Variants in TJP1 observed in about 807,000 individuals in gnomAD.
TJP1 encodes the protein tight junction protein ZO-1.
In TJP1, 43 loss-of-function variants were observed where a neutral mutation model predicts 194.2. The ratio of observed to expected loss-of-function variants is 0.22; its 90% CI spans 0.17 to 0.29. The LOEUF is 0.29. TJP1 is among the 10% of genes least tolerant of loss of function. TJP1 has a pLI of 1.00. For synonymous variants in TJP1, 801 were observed against 779.0 expected (o/e 1.03, Z -0.47); for missense variants, 1,971 against 2,185.7 (o/e 0.90, Z 1.96).
Position 29,777,103 on chromosome 15 carries a change from C to A in TJP1, c.85-3746G>T, listed in dbSNP as rs77173395. On this transcript the variant is annotated intron_variant, in intron 2 of 27. Coordinates refer to ENST00000614355, the MANE Select transcript of TJP1 (RefSeq NM_001330239.4). ...TAGTACAAGGCAGAAGTACTTTAGG[C>A]ACACTTCCTGTTTGCATACCTAGAC... Among the ~76,000 whole-genome samples, 5 of 152,240 alleles carry A rather than the reference C, an allele frequency of 3.3e-5. No individual in the cohort carries two copies. The East Asian group carries it at 9.6e-4, about 29-fold the overall frequency.
chr15:29,731,313 A>G (rs1319164424), intron 15 of TJP1, among the ~76,000 whole-genome samples: 5 of 152,060 alleles, frequency 3.3e-5, no homozygotes, highest in African/African-American at 7.2e-5. Flanking sequence ...TGGAAAAACA[A>G]ATTTGTTTTT....
chr15:29,720,099 A>G lies in TJP1; in HGVS notation c.2764-83T>C. ...CTTCAATTTATAGTGATTGGTAGACATACATTTTAAGTGTGCTGAATAACA... is the reference window on the plus strand; with the variant it reads ...CTTCAATTTATAGTGATTGGTAGACGTACATTTTAAGTGTGCTGAATAACA... On this transcript the variant is annotated intron_variant, in intron 19 of 27. Transcript: ENST00000614355. The G allele has an allele frequency of 2.7e-6, 4 of 1,495,288 alleles. No individual in the cohort carries two copies. The East Asian group carries it at 6.8e-5, about 25-fold the overall frequency. 92.6% of individuals were successfully genotyped at this position (1,495,288 alleles called of 1,614,324 possible).
At chr15:29,947,925 C>T (rs998830942) in intron 2 of TJP1, among the ~76,000 whole-genome samples, 1 of 152,174 alleles carries the variant, frequency 6.6e-6, no homozygotes, top group Non-Finnish European at 1.5e-5. Flanking sequence ...TGCCTTCCCC[C>T]ACACTCCTTG....
At chr15:29,953,140 ATTTTTTT>A (rs71416442) in intron 2 of TJP1, among the ~76,000 whole-genome samples, 5 of 110,978 alleles carry the variant, frequency 4.5e-5, no homozygotes, top group Non-Finnish European at 7.2e-5. Context: ...AAGAAGACAG[ATTTTTTT>A]TTTTTTTTTT....
At chr15:29,949,143 TCACCACCTCCACTACTACCTCCACCAC>T (rs2055403381) in intron 2 of TJP1, among the ~76,000 whole-genome samples, 2 of 52,822 alleles carry the variant, frequency 3.8e-5, no homozygotes, top group Admixed American at 1.8e-4. Context: ...ACCTCCACCT[TCACCACCTCCACTACTACCTCCACCAC>T]CACCACCTCC....
chr15:29,775,908 C>T (rs908735453), intron 2 of TJP1, among the ~76,000 whole-genome samples: 3 of 151,984 alleles, frequency 2.0e-5, no homozygotes, highest in African/African-American at 7.3e-5. Flanking sequence ...GGGAATTATC[C>T]CACAAAAAGG....
intron 1 of TJP1, among the ~76,000 whole-genome samples, chr15:29,804,424 T>C (rs1056844138): frequency 1.3e-5 from 2 of 152,160 alleles, no homozygotes; most frequent in Non-Finnish European, 2.9e-5. Flanking sequence ...TTAGTACCAG[T>C]AAATTTATTA....
rs2042835348 is a variant in TJP1, at chr15:29,720,071, C to T, written c.2764-55G>A. The T allele has an allele frequency of 2.0e-6, 3 of 1,532,074 alleles. No individual in the cohort carries two copies. The South Asian group carries it at 4.0e-5, about 20-fold the overall frequency. 94.9% of individuals were successfully genotyped at this position (1,532,074 alleles called of 1,614,324 possible). A position where few individuals can be genotyped will look rare whatever the true frequency, so the allele number is the denominator to read the frequency against. On this transcript the variant is annotated intron_variant, in intron 19 of 27. Transcript: ENST00000614355. ...AGTGTTTCTGTTTACTGCTAACTTT[C>T]CACTTCAATTTATAGTGATTGGTAG...
chr15:29,761,118 T>TA (rs746904131), intron 8 of TJP1, 21 bp downstream of exon 8: 30 of 1,561,016 alleles, frequency 1.9e-5, no homozygotes, highest in South Asian at 4.8e-5. Flanking sequence ...CTGTATTTTT[T>TA]AAAAAAATAG....
At chr15:29,745,749 A>G (rs2044728727) in intron 8 of TJP1, among the ~76,000 whole-genome samples, 1 of 152,224 alleles carries the variant, frequency 6.6e-6, no homozygotes, top group Admixed American at 6.5e-5. Context: ...GCAAATACCT[A>G]GAAACAAGAT....
chr15:29,726,566 A>G lies in TJP1; in HGVS notation c.2312-87T>C. ...CAACCCTGCTTACAGCTAAATCGTC[A>G]TTACTGAAAGATGGTATCTGAGGAT... On this transcript the variant is annotated intron_variant, in intron 17 of 27. Transcript: ENST00000614355. 2.2e-6 allele frequency: 3 copies of G among 1,335,586 alleles called. No homozygotes were observed. The South Asian group carries it at 3.7e-5, about 17-fold the overall frequency. 82.7% of individuals were successfully genotyped at this position (1,335,586 alleles called of 1,614,324 possible).
chr15:29,870,995 T>C (rs185585128), intron 2 of TJP1, among the ~76,000 whole-genome samples: 1 of 152,280 alleles, frequency 6.6e-6, no homozygotes, highest in Non-Finnish European at 1.5e-5. Context: ...ACAGAGGGCT[T>C]CCCTCCTCCA....
At chr15:29,727,910 G>A in intron 16 of TJP1, 27 bp downstream of exon 16, 1 of 1,597,818 alleles carries the variant, frequency 6.3e-7, no homozygotes, top group Non-Finnish European at 8.6e-7. Flanking sequence ...ATAACATAAT[G>A]AAATGGGTCA....
At chr15:29,709,134 A>C in intron 24 of TJP1, 98 bp from the exon 25 acceptor site, 4 of 1,163,752 alleles carry the variant, frequency 3.4e-6, no homozygotes, top group Non-Finnish European at 4.9e-6. Context: ...CGAGGCCCAA[A>C]TGTGGGTCGC....
At chr15:29,817,846 G>C (rs2050038812) in intron 1 of TJP1, among the ~76,000 whole-genome samples, 1 of 152,082 alleles carries the variant, frequency 6.6e-6, no homozygotes, top group Admixed American at 6.5e-5. Flanking sequence ...TGTTACCCGG[G>C]TTGGTGGTGG....
chr15:29,821,157 C>T (rs763642627), intron 1 of TJP1, among the ~76,000 whole-genome samples: 14 of 152,144 alleles, frequency 9.2e-5, no homozygotes, highest in Non-Finnish European at 1.9e-4. Flanking sequence ...GGAGGAGCAT[C>T]CTAGCTGTTT....
intron 2 of TJP1, among the ~76,000 whole-genome samples, chr15:29,871,338 GT>G (rs1247954947): frequency 6.6e-6 from 1 of 152,238 alleles, no homozygotes; most frequent in Non-Finnish European, 1.5e-5. Flanking sequence ...TATACAGTTG[GT>G]TTTTCCGGCT....
intron 1 of TJP1, among the ~76,000 whole-genome samples, chr15:29,960,651 A>AT: frequency 6.6e-6 from 1 of 150,890 alleles, no homozygotes; most frequent in East Asian, 2.0e-4. Flanking sequence ...AAAAAAAAAA[A>AT]GTAATAATCA....
upstream of TJP1, among the ~76,000 whole-genome samples, chr15:29,824,620 T>G (rs2050624628): frequency 6.6e-6 from 1 of 152,106 alleles, no homozygotes; most frequent in Non-Finnish European, 1.5e-5. Context: ...TAAAAAGGTT[T>G]GGGAAGTATT....
Sources: gnomAD v4.1 joint callset for allele counts (sites outside exome capture counted in the v4.1 genomes callset) on GRCh38, gnomAD v4.1.1 for gene constraint, MANE v1.5 for transcripts, NCBI Gene and HGNC (gene_info 2026-07-23, HGNC 2026-07-21) for gene names.